The following MLYCD variants were observed in gnomAD, a reference collection of about 807,000 sequenced individuals.
The protein encoded by MLYCD is malonyl-CoA decarboxylase, mitochondrial.
MLYCD carries 27 observed loss-of-function variants against 35.8 expected under a neutral mutation model. That is an observed-to-expected ratio of 0.75 (90% CI 0.56 to 1.04). MLYCD has a LOEUF of 1.04. Among genes scored for constraint, MLYCD ranks in the 50% least tolerant of loss-of-function variants. The pLI, the probability that MLYCD is intolerant of heterozygous loss-of-function variation, is 0.00. For missense variants in MLYCD, 917 were observed against 665.1 expected, an observed-to-expected ratio of 1.38 and a Z score of -4.17; for synonymous variants, 403 against 302.4, an observed-to-expected ratio of 1.33 and a Z score of -3.45.
Position 83,899,325 on chromosome 16 carries a change from C to A in MLYCD, c.181C>A (p.Pro61Thr). The change falls in exon 1 of 5, where the codon CCG (proline) becomes ACG (threonine). Residue 61 changes from proline to threonine, a missense_variant. By Grantham distance (38) the Pro-to-Thr change is conservative. Transcript: ENST00000262430. Reference sequence around the variant, plus strand: ...GGCCTACGAGCTGCGCGAGAAGACACCGGCGCCCGCCGAGGGTCAGTGCGC... The same window carrying A: ...GGCCTACGAGCTGCGCGAGAAGACAACGGCGCCCGCCGAGGGTCAGTGCGC... ...TPAYELREKTPAPAEGQCADF... is the reference protein window; with the variant it reads ...TPAYELREKTTAPAEGQCADF... 2.0e-6 allele frequency: 3 copies of A among 1,502,126 alleles called. No individual in the cohort carries two copies. Among genetic ancestry groups the A allele is most frequent in the Non-Finnish European group, 2.6e-6 (3 of 1,132,732 alleles). 93.0% of individuals were successfully genotyped at this position (1,502,126 alleles called of 1,614,324 possible).
chr16:83,923,459 C>G lies in MLYCD; in HGVS notation c.*7970C>G, dbSNP rs1439978947. The G allele has an allele frequency of 1.3e-5, 2 of 152,228 alleles. No individual in the cohort carries two copies. Among genetic ancestry groups the G allele is most frequent in the African/African-American group, 4.8e-5 (2 of 41,464 alleles). The allele number at this position is 152,228 out of a possible 1,614,324, so 9.4% of individuals were successfully genotyped here. A position where few individuals can be genotyped will look rare whatever the true frequency, so the allele number is the denominator to read the frequency against. ...CACAGAGGTGACCCTAGATCTCTGT[C>G]TCGCCTTTGTTTGGTTTATTTCCAC... On this transcript the variant is annotated 3_prime_UTR_variant, in exon 5 of 5. Transcript: ENST00000262430.
At position 83,912,323 on chromosome 16, in the gene MLYCD, G is replaced by C. The variant is rs1391542291; in HGVS notation, c.904G>C (p.Glu302Gln). The stretch of plus-strand genomic sequence containing the variant: ...GACCCAGCAGGGACTCCAAGGGGTG[G>C]AGCTGGGAACATTCCTCATAAAGCG... ...SLTQQGLQGVELGTFLIKRVV... is the reference protein window; with the variant it reads ...SLTQQGLQGVQLGTFLIKRVV... The change falls in exon 4 of 5, where the codon GAG becomes CAG. Residue 302 changes from glutamate to glutamine, a missense_variant. Physicochemically the swap from Glu to Gln is conservative, Grantham distance 29. Transcript: ENST00000262430. 1 of 1,614,086 alleles carries C rather than the reference G, an allele frequency of 6.2e-7. No homozygotes were observed. Among genetic ancestry groups the C allele is most frequent in the East Asian group, 2.2e-5 (1 of 44,886 alleles).
chr16:83,902,237 TTGTTCA>T (rs1210758501), intron 1 of MLYCD, among the ~76,000 whole-genome samples: 3 of 148,294 alleles, frequency 2.0e-5, no homozygotes, highest in African/African-American at 4.9e-5. Flanking sequence ...GTTTATTTTT[TTGTTCA>T]TGTTTATGTT....
chr16:83,902,824 A>G (rs1417157639), intron 1 of MLYCD, among the ~76,000 whole-genome samples: 1 of 152,056 alleles, frequency 6.6e-6, no homozygotes, highest in African/African-American at 2.4e-5. Context: ...ACTTTTTAAA[A>G]TGTTCTTTTC....
chr16:83,903,408 T>C (rs1381545993), intron 1 of MLYCD, among the ~76,000 whole-genome samples: 2 of 152,158 alleles, frequency 1.3e-5, no homozygotes, highest in Admixed American at 6.5e-5. Flanking sequence ...ACCTGCGGAG[T>C]GTCAGCTTAC....
chr16:83,916,843 C>T lies in MLYCD; in HGVS notation c.*1354C>T, dbSNP rs1368290782. On this transcript the variant is annotated 3_prime_UTR_variant, in exon 5 of 5. Transcript: ENST00000262430. ...CGTGTGCACGAGCGTCTCTGTGTGT[C>T]AGTGCACGTCTGTGTGCGTGTGCCC... 2.4e-5 allele frequency: 3 copies of T among 125,478 alleles called. No homozygotes were observed. Among genetic ancestry groups the T allele is most frequent in the Non-Finnish European group, 4.9e-5 (3 of 61,696 alleles). 7.8% of individuals were successfully genotyped at this position (125,478 alleles called of 1,614,324 possible).
chr16:83,912,493 G>T, intron 4 of MLYCD, 126 bp downstream of exon 4: 1 of 1,332,610 alleles, frequency 7.5e-7, no homozygotes, highest in Non-Finnish European at 1.0e-6. Context: ...GGGGCAGGGG[G>T]TAGAAAAGGT....
chr16:83,904,260 G>A (rs933213608), intron 1 of MLYCD, among the ~76,000 whole-genome samples: 1 of 152,134 alleles, frequency 6.6e-6, no homozygotes, highest in African/African-American at 2.4e-5. Context: ...CTAAACTGGG[G>A]TACAGAAGCC....
intron 3 of MLYCD, among the ~76,000 whole-genome samples, chr16:83,910,805 G>A (rs941245620): frequency 1.3e-5 from 2 of 151,996 alleles, no homozygotes; most frequent in Non-Finnish European, 2.9e-5. Flanking sequence ...GGCCCCTCTC[G>A]GGCCTCGGAG....
intron 1 of MLYCD, among the ~76,000 whole-genome samples, chr16:83,901,456 T>A (rs3785005): frequency 0.22 from 32,808 of 152,008 alleles, 4,416 homozygotes; most frequent in African/African-American, 0.38. Context: ...TGGAGGTGAG[T>A]CTGCCCCACA....
chr16:83,904,332 C>T (rs1470679272), intron 1 of MLYCD, among the ~76,000 whole-genome samples: 1 of 152,102 alleles, frequency 6.6e-6, no homozygotes, highest in Non-Finnish European at 1.5e-5. Context: ...CCCAGGAAAA[C>T]GTATGCACAA....
chr16:83,905,576 C>G (rs79977075), intron 1 of MLYCD, among the ~76,000 whole-genome samples: 2,277 of 152,290 alleles, frequency 0.015, 27 homozygotes, highest in Non-Finnish European at 0.024. Flanking sequence ...CGTCGTGGCC[C>G]AGGATGGCTG....
At chr16:83,909,787 T>A (rs918596025) in intron 3 of MLYCD, among the ~76,000 whole-genome samples, 4 of 150,106 alleles carry the variant, frequency 2.7e-5, no homozygotes, top group African/African-American at 9.8e-5. Flanking sequence ...CATGCCCAGC[T>A]AATTTTTTTT....
rs1907826319 is a variant in MLYCD, at chr16:83,926,945, G to A, written c.*11456G>A. 6.6e-6 allele frequency: 1 copy of A among 152,226 alleles called. No individual in the cohort carries two copies. Among genetic ancestry groups the A allele is most frequent in the African/African-American group, 2.4e-5 (1 of 41,454 alleles). 9.4% of individuals were successfully genotyped at this position (152,226 alleles called of 1,614,324 possible). On this transcript the variant is annotated 3_prime_UTR_variant, in exon 5 of 5. Transcript: ENST00000262430. ...AATCCGGGAGGCGGAGGTTGCAGTTGGCCGAGATGGCGCCACTCACTCCAG... is the reference window on the plus strand; with the variant it reads ...AATCCGGGAGGCGGAGGTTGCAGTTAGCCGAGATGGCGCCACTCACTCCAG...
intron 1 of MLYCD, among the ~76,000 whole-genome samples, chr16:83,902,155 G>GTGTGTATATATA (rs1555537769): frequency 1.1e-5 from 1 of 87,318 alleles, no homozygotes; most frequent in African/African-American, 4.6e-5. Context: ...GTGTGCGTGC[G>GTGTGTATATATA]TATATATATA....
intron 4 of MLYCD, 27 bp from the exon 5 acceptor site, chr16:83,914,929 C>A: frequency 6.2e-7 from 1 of 1,614,160 alleles, no homozygotes. Flanking sequence ...TCTCCGCCTT[C>A]CTTTCCACCC....
Position 83,916,007 on chromosome 16 carries a change from T to C in MLYCD, c.*518T>C, listed in dbSNP as rs1907372795. On this transcript the variant is annotated 3_prime_UTR_variant, in exon 5 of 5. Transcript: ENST00000262430. The stretch of plus-strand genomic sequence containing the variant: ...CTTCCCAGTTACATTCTGAAGCTCA[T>C]AAATGTATGAGAAGGTTTGTGATTT... The C allele has an allele frequency of 9.9e-7, 1 of 1,006,618 alleles. No homozygotes were observed. Among genetic ancestry groups the C allele is most frequent in the African/African-American group, 1.7e-5 (1 of 58,128 alleles). 62.4% of individuals were successfully genotyped at this position (1,006,618 alleles called of 1,614,324 possible). A position where few individuals can be genotyped will look rare whatever the true frequency, so the allele number is the denominator to read the frequency against.
chr16:83,910,609 G>A (rs1188388264), intron 3 of MLYCD, among the ~76,000 whole-genome samples: 9 of 151,238 alleles, frequency 6.0e-5, no homozygotes, highest in East Asian at 2.0e-4. Context: ...AATGAGAATC[G>A]CTTGCCACTA....
chr16:83,908,823 C>A (rs1421988770), intron 3 of MLYCD, among the ~76,000 whole-genome samples: 1 of 152,206 alleles, frequency 6.6e-6, no homozygotes, highest in Admixed American at 6.5e-5. Flanking sequence ...TGAAACACTC[C>A]TGCAGGCCCG....
Sources: allele counts gnomAD v4.1 joint callset (sites outside exome capture counted in the v4.1 genomes callset), GRCh38; gene constraint gnomAD v4.1.1; transcripts MANE v1.5; gene names NCBI Gene and HGNC (gene_info 2026-07-23, HGNC 2026-07-21).